Variants in CUL3 observed in about 807,000 individuals in gnomAD.
CUL3 encodes the protein cullin 3.
CUL3 carries 19 observed loss-of-function variants against 89.1 expected under a neutral mutation model. The ratio of observed to expected loss-of-function variants is 0.21; its 90% CI spans 0.15 to 0.31. The LOEUF (loss-of-function observed/expected upper bound fraction) is 0.31, where lower values mean the gene tolerates loss of function less well. Ranked by LOEUF, CUL3 falls within the 10% of genes least tolerant of loss-of-function variation. The pLI, the probability that CUL3 is intolerant of heterozygous loss-of-function variation, is 1.00. For missense variants in CUL3, 469 were observed against 942.3 expected (o/e 0.50, Z 6.58); for synonymous variants, 351 against 308.4 (o/e 1.14, Z -1.45).
At chr2:224,490,632 G>T (rs1691933088) in intron 13 of CUL3, among the ~76,000 whole-genome samples, 1 of 151,520 alleles carries the variant, frequency 6.6e-6, no homozygotes, top group South Asian at 2.1e-4. Flanking sequence ...AGGGTGATGG[G>T]TGCAGCAGAC....
chr2:224,512,403 T>C (rs558852093), intron 5 of CUL3, among the ~76,000 whole-genome samples: 4 of 152,206 alleles, frequency 2.6e-5, no homozygotes, highest in African/African-American at 7.2e-5. Context: ...GCCAACACTT[T>C]AGCTTCCTAC....
At chr2:224,539,943 T>A (rs1430863828) in intron 2 of CUL3, among the ~76,000 whole-genome samples, 1 of 152,046 alleles carries the variant, frequency 6.6e-6, no homozygotes, top group African/African-American at 2.4e-5. Flanking sequence ...TCAATGTAGG[T>A]TCATCAATTG....
Position 224,511,618 on chromosome 2 carries a change from GAAGAA to G in CUL3, c.655-41_655-37del, listed in dbSNP as rs1407961724. The G allele has an allele frequency of 9.0e-6, 11 of 1,220,284 alleles. No individual in the cohort carries two copies. In the African/African-American group the frequency reaches 1.1e-4, roughly 12 times the overall value. The allele number at this position is 1,220,284 out of a possible 1,614,324, so 75.6% of individuals were successfully genotyped here. A position where few individuals can be genotyped will look rare whatever the true frequency, so the allele number is the denominator to read the frequency against. On this transcript the variant is annotated intron_variant, in intron 5 of 15. Coordinates refer to ENST00000264414, the MANE Select transcript of CUL3 (RefSeq NM_003590.5). ...AAAATATATATATTTTTTAAACATAGAAGAAAAGAGTGTTTTTGCTTTTAGCTGGG... is the reference window on the plus strand; with the variant it reads ...AAAATATATATATTTTTTAAACATAGAAGAGTGTTTTTGCTTTTAGCTGGG...
chr2:224,491,593 C>G (rs1203363134), intron 13 of CUL3, among the ~76,000 whole-genome samples: 1 of 152,088 alleles, frequency 6.6e-6, no homozygotes, highest in Admixed American at 6.6e-5. Context: ...ACCTGCAGAG[C>G]AAGGCATAAT....
chr2:224,578,896 T>C (rs184536318), intron 1 of CUL3, among the ~76,000 whole-genome samples: 2 of 152,314 alleles, frequency 1.3e-5, no homozygotes, highest in Non-Finnish European at 2.9e-5. Context: ...CTTAATCATA[T>C]AATCTTCCTG....
intron 2 of CUL3, among the ~76,000 whole-genome samples, chr2:224,540,976 C>T (rs13006031): frequency 0.096 from 14,561 of 152,094 alleles, 922 homozygotes; most frequent in East Asian, 0.26. Context: ...CTAGCTGTAT[C>T]ATATCATGTC....
At chr2:224,567,274 G>C (rs955483169) in intron 1 of CUL3, among the ~76,000 whole-genome samples, 1 of 152,214 alleles carries the variant, frequency 6.6e-6, no homozygotes, top group Non-Finnish European at 1.5e-5. Flanking sequence ...CTGGAGTGCA[G>C]AGGTGCAATC....
chr2:224,544,312 A>C (rs1479293411), intron 2 of CUL3, among the ~76,000 whole-genome samples: 2 of 152,234 alleles, frequency 1.3e-5, no homozygotes, highest in Admixed American at 6.5e-5. Flanking sequence ...GATGCCTGCT[A>C]TCTTTCTGGC....
chr2:224,500,630 T>TC (rs1046877310), intron 10 of CUL3, 143 bp from the exon 11 acceptor site: 29 of 504,758 alleles, frequency 5.7e-5, no homozygotes, highest in Non-Finnish European at 7.3e-5. Context: ...TTCTTTTCTT[T>TC]TTTTTTTTTT....
chr2:224,478,524 T>C, intron 14 of CUL3, 179 bp from the exon 15 acceptor site: 1 of 456,200 alleles, frequency 2.2e-6, no homozygotes, highest in East Asian at 3.3e-5. Flanking sequence ...AATACTAAAT[T>C]ATCCTTTTCA....
chr2:224,539,910 T>C (rs1694033754), intron 2 of CUL3, among the ~76,000 whole-genome samples: 1 of 152,052 alleles, frequency 6.6e-6, no homozygotes. Context: ...TCATGTAAAC[T>C]ATGGACTTGG....
intron 3 of CUL3, among the ~76,000 whole-genome samples, chr2:224,533,673 GCTAA>G (rs748395279): frequency 6.6e-6 from 1 of 152,146 alleles, no homozygotes; most frequent in African/African-American, 2.4e-5. Flanking sequence ...AAAACAACAA[GCTAA>G]CTTATTTCAA....
At chr2:224,553,486 G>A (rs1421776294) in intron 2 of CUL3, among the ~76,000 whole-genome samples, 2 of 152,186 alleles carry the variant, frequency 1.3e-5, no homozygotes, top group African/African-American at 4.8e-5. Flanking sequence ...CAACTTGAAT[G>A]CATGTTTTGG....
At chr2:224,522,913 T>C (rs1014100037) in intron 3 of CUL3, among the ~76,000 whole-genome samples, 2 of 152,170 alleles carry the variant, frequency 1.3e-5, no homozygotes, top group African/African-American at 2.4e-5. Flanking sequence ...ATAATTTCCA[T>C]TTAAGAATTG....
At chr2:224,563,127 G>C (rs1193542795) in intron 1 of CUL3, 1 of 393,402 alleles carries the variant, frequency 2.5e-6, no homozygotes, top group Non-Finnish European at 5.1e-6. Flanking sequence ...GCTTTTTCAA[G>C]CTTAGCAAAT....
chr2:224,573,619 C>T (rs918820364), intron 1 of CUL3, among the ~76,000 whole-genome samples: 11 of 152,114 alleles, frequency 7.2e-5, no homozygotes, highest in Admixed American at 3.9e-4. Context: ...ATTGTATAAG[C>T]TTCAGCGTCC....
intron 11 of CUL3, among the ~76,000 whole-genome samples, chr2:224,498,527 G>A (rs1165706457): frequency 1.3e-5 from 2 of 152,146 alleles, no homozygotes; most frequent in South Asian, 2.1e-4. Context: ...GAGGACTTTG[G>A]GGAGGGAAAA....
intron 4 of CUL3, among the ~76,000 whole-genome samples, chr2:224,513,994 A>G (rs939312960): frequency 1.3e-5 from 2 of 152,248 alleles, no homozygotes; most frequent in Admixed American, 1.3e-4. Context: ...CCTGGGCAAT[A>G]TAACTTTTTG....
At position 224,472,603 on chromosome 2, in the gene CUL3, G is replaced by C. The variant is rs1035873670; in HGVS notation, c.*1642C>G. 2 of 188,406 alleles carry C rather than the reference G, an allele frequency of 1.1e-5. No individual in the cohort carries two copies. The highest frequency in any genetic ancestry group is 6.2e-5 in the Admixed American group (1 of 16,152). 11.7% of individuals were successfully genotyped at this position (188,406 alleles called of 1,614,324 possible). A position where few individuals can be genotyped will look rare whatever the true frequency, so the allele number is the denominator to read the frequency against. On this transcript the variant is annotated 3_prime_UTR_variant, in exon 16 of 16. Transcript: ENST00000264414. ...ATAATGTTCACAATACTTTTCATTG[G>C]CATCTTAATTGCATCATGTAGAAGT...
Sources: allele counts gnomAD v4.1 joint callset (sites outside exome capture counted in the v4.1 genomes callset), GRCh38; gene constraint gnomAD v4.1.1; transcripts MANE v1.5; gene names NCBI Gene and HGNC (gene_info 2026-07-23, HGNC 2026-07-21).